OPCML: variants seen among roughly 807,000 people sequenced by gnomAD.
OPCML encodes opioid-binding protein/cell adhesion molecule.
OPCML carries 13 observed loss-of-function variants against 37.8 expected under a neutral mutation model. The observed-to-expected ratio is 0.34, with a 90% CI of 0.22 to 0.55. The LOEUF (loss-of-function observed/expected upper bound fraction) is 0.55, where lower values mean the gene tolerates loss of function less well. Ranked by LOEUF, OPCML falls within the 20% of genes least tolerant of loss-of-function variation. The pLI is 0.91. For synonymous variants in OPCML, 176 were observed against 168.8 expected (o/e 1.04, Z -0.33); for missense variants, 341 against 435.6 (o/e 0.78, Z 1.93).
chr11:133,391,121 G>A (rs932782294), intron 1 of OPCML, among the ~76,000 whole-genome samples: 13 of 152,190 alleles, frequency 8.5e-5, no homozygotes, highest in Non-Finnish European at 2.9e-5. Flanking sequence ...GTCAAGCTGC[G>A]GAATGAATGT....
intron 2 of OPCML, among the ~76,000 whole-genome samples, chr11:132,687,005 G>T (rs1421234946): frequency 7.5e-6 from 1 of 133,098 alleles, no homozygotes; most frequent in Non-Finnish European, 1.6e-5. Flanking sequence ...TGCCCCCTGA[G>T]ATATTTCTAG....
intron 2 of OPCML, among the ~76,000 whole-genome samples, chr11:132,733,633 A>G (rs945545561): frequency 1.3e-5 from 2 of 152,242 alleles, no homozygotes; most frequent in African/African-American, 4.8e-5. Context: ...GCACAAATCC[A>G]GAATGTGTGA....
chr11:133,179,986 T>C (rs748525854), intron 1 of OPCML, among the ~76,000 whole-genome samples: 2 of 152,162 alleles, frequency 1.3e-5, no homozygotes, highest in Non-Finnish European at 2.9e-5. Context: ...ACATTTGTTT[T>C]AGGCCACTAG....
intron 4 of OPCML, among the ~76,000 whole-genome samples, chr11:132,453,690 A>G (rs904570868): frequency 3.9e-5 from 6 of 152,210 alleles, no homozygotes; most frequent in African/African-American, 1.4e-4. Flanking sequence ...AGCAGATACT[A>G]TTTAGCTGGT....
At chr11:132,821,603 G>A (rs1939989935) in intron 2 of OPCML, among the ~76,000 whole-genome samples, 1 of 152,210 alleles carries the variant, frequency 6.6e-6, no homozygotes, top group African/African-American at 2.4e-5. Flanking sequence ...GGAGAGACCT[G>A]TAATACATGA....
At chr11:132,427,554 A>G (rs1444712388) in intron 7 of OPCML, among the ~76,000 whole-genome samples, 1 of 152,236 alleles carries the variant, frequency 6.6e-6, no homozygotes, top group Non-Finnish European at 1.5e-5. Context: ...AAACCAGTCG[A>G]TAAAGAGGCA....
chr11:133,458,885 A>C (rs762616898), intron 1 of OPCML, among the ~76,000 whole-genome samples: 1 of 105,092 alleles, frequency 9.5e-6, no homozygotes, highest in Admixed American at 8.0e-5. Flanking sequence ...ATACACACAC[A>C]TGTGTGTGTA....
At chr11:133,004,093 T>C in intron 1 of OPCML, 1 of 985,312 alleles carries the variant, frequency 1.0e-6, no homozygotes, top group Non-Finnish European at 1.2e-6. Flanking sequence ...GGCAGCTGTG[T>C]TCTAGCTTGG....
At chr11:132,748,008 T>C (rs1945695710) in intron 2 of OPCML, among the ~76,000 whole-genome samples, 1 of 151,912 alleles carries the variant, frequency 6.6e-6, no homozygotes, top group Non-Finnish European at 1.5e-5. Flanking sequence ...CTTACTCCAA[T>C]AGATTCTTTT....
intron 3 of OPCML, among the ~76,000 whole-genome samples, chr11:132,612,981 AG>A (rs1046904981): frequency 1.3e-5 from 2 of 152,240 alleles, no homozygotes; most frequent in African/African-American, 4.8e-5. Flanking sequence ...TCTGTGACTA[AG>A]CAATGCATTT....
chr11:133,052,367 T>C (rs756814536), intron 1 of OPCML, among the ~76,000 whole-genome samples: 5 of 152,218 alleles, frequency 3.3e-5, no homozygotes, highest in Non-Finnish European at 7.3e-5. Context: ...CCTGAGTCTA[T>C]GGTGTGCCTG....
chr11:133,521,741 A>G (rs919011718), intron 1 of OPCML, among the ~76,000 whole-genome samples: 1 of 152,224 alleles, frequency 6.6e-6, no homozygotes, highest in African/African-American at 2.4e-5. Flanking sequence ...GGCTATTTCC[A>G]TCTGCCACAT....
intron 2 of OPCML, among the ~76,000 whole-genome samples, chr11:132,909,320 C>G (rs1323281033): frequency 1.3e-5 from 2 of 152,212 alleles, no homozygotes; most frequent in African/African-American, 4.8e-5. Context: ...GGTCAAAATA[C>G]TTGGATGTGT....
At chr11:133,498,055 T>C (rs540692835) in intron 1 of OPCML, among the ~76,000 whole-genome samples, 6 of 152,214 alleles carry the variant, frequency 3.9e-5, no homozygotes, top group Non-Finnish European at 5.9e-5. Context: ...GGCCAGGCTG[T>C]GTGAGGGCCG....
chr11:132,611,731 A>G (rs763651454), intron 3 of OPCML, among the ~76,000 whole-genome samples: 1 of 152,198 alleles, frequency 6.6e-6, no homozygotes, highest in Non-Finnish European at 1.5e-5. Context: ...TGTCAGTATT[A>G]TGAGACGGAA....
intron 1 of OPCML, among the ~76,000 whole-genome samples, chr11:133,321,877 A>G (rs956767204): frequency 1.3e-5 from 2 of 152,116 alleles, no homozygotes; most frequent in African/African-American, 2.4e-5. Flanking sequence ...ATGAGTGTTC[A>G]TGATCACTGT....
intron 3 of OPCML, among the ~76,000 whole-genome samples, chr11:132,538,069 T>C (rs2096345692): frequency 6.6e-6 from 1 of 152,150 alleles, no homozygotes; most frequent in South Asian, 2.1e-4. Flanking sequence ...TATATACCTA[T>C]GAGAAATGAA....
intron 1 of OPCML, among the ~76,000 whole-genome samples, chr11:133,484,080 A>ATTGATT (rs1565660073): frequency 7.8e-6 from 1 of 128,204 alleles, no homozygotes; most frequent in African/African-American, 3.8e-5. Context: ...ATAGATAGAT[A>ATTGATT]GATTCATAGA....
In OPCML at chr11:132,415,228, A is replaced by T. The variant is rs1172062698; in HGVS notation, c.*4965T>A. 6.6e-6 allele frequency: 1 copy of T among 152,656 alleles called. No individual in the cohort carries two copies. Among genetic ancestry groups the T allele is most frequent in the African/African-American group, 2.4e-5 (1 of 41,464 alleles). 9.5% of individuals were successfully genotyped at this position (152,656 alleles called of 1,614,324 possible). A position where few individuals can be genotyped will look rare whatever the true frequency, so the allele number is the denominator to read the frequency against. On this transcript the variant is annotated 3_prime_UTR_variant, in exon 8 of 8. Coordinates refer to ENST00000524381, the MANE Select transcript of OPCML (RefSeq NM_001012393.5). ...GTCATACTCTTGTATCGTGTGATAA[A>T]TTTTTAAAGCATTTGAACATAGATT...
Sources: gnomAD v4.1 joint callset for allele counts (sites outside exome capture counted in the v4.1 genomes callset) on GRCh38, gnomAD v4.1.1 for gene constraint, MANE v1.5 for transcripts, NCBI Gene and HGNC (gene_info 2026-07-23, HGNC 2026-07-21) for gene names.